CACNA2D4: variants seen among roughly 807,000 people sequenced by gnomAD.
CACNA2D4 encodes the protein voltage-dependent calcium channel subunit alpha-2/delta-4.
Under a neutral mutation model 163.8 loss-of-function variants are expected in CACNA2D4, and 157 were observed. The observed-to-expected ratio is 0.96, with a 90% confidence interval of 0.84 to 1.09. The LOEUF is 1.09. Among genes scored for constraint, CACNA2D4 ranks in the 50% least tolerant of loss-of-function variants. The probability of loss-of-function intolerance (pLI) is 0.00; values close to 1 mark genes in which losing one functional copy is unlikely to be tolerated. For missense variants in CACNA2D4, 1,410 were observed against 1,479.9 expected (o/e 0.95, Z 0.78); for synonymous variants, 598 against 586.9 (o/e 1.02, Z -0.27).
rs528773562 is a variant in CACNA2D4, at chr12:1,881,629, C to T, written c.1485+1238G>A. Among the ~76,000 whole-genome samples the T allele has an allele frequency of 3.3e-5, 5 of 152,296 alleles. No homozygotes were observed. The South Asian group carries it at 1.0e-3, about 32-fold the overall frequency. On this transcript the variant is annotated intron_variant, in intron 13 of 37. Transcript: ENST00000382722. ...ACAGGAAGACAGCTCAAAGAAGATCCCCTCCTGTCCTCCTTCTCCCCACCC... is the reference window on the plus strand; with the variant it reads ...ACAGGAAGACAGCTCAAAGAAGATCTCCTCCTGTCCTCCTTCTCCCCACCC...
Position 1,875,421 on chromosome 12 carries a change from A to G in CACNA2D4, c.1720-84T>C, listed in dbSNP as rs1865863014. The G allele has an allele frequency of 2.3e-6, 2 of 882,958 alleles. No homozygotes were observed. The highest frequency in any genetic ancestry group is 1.4e-5 in the South Asian group (1 of 73,028). 54.7% of individuals were successfully genotyped at this position (882,958 alleles called of 1,614,324 possible). On this transcript the variant is annotated intron_variant, in intron 16 of 37. Transcript: ENST00000382722. The surrounding 1 kb of genome is among the most constrained non-coding windows in gnomAD (Gnocchi z 4.0). ...ATCTCTTCTACAAAGCCTTTCAGGT[A>G]TATTCATAAAAGCAAAGGATTCCTT...
chr12:1,817,447 T>TAGGAA (rs1310296503), intron 26 of CACNA2D4, among the ~76,000 whole-genome samples: 1 of 151,980 alleles, frequency 6.6e-6, no homozygotes, highest in Non-Finnish European at 1.5e-5. Flanking sequence ...CAGCTCTGTG[T>TAGGAA]AGGAAAGGAG....
intron 6 of CACNA2D4, among the ~76,000 whole-genome samples, chr12:1,893,829 A>G (rs376680541): frequency 2.8e-4 from 42 of 152,148 alleles, no homozygotes; most frequent in African/African-American, 9.2e-4. Flanking sequence ...TAACAATCTA[A>G]TAATACACCT....
intron 6 of CACNA2D4, among the ~76,000 whole-genome samples, chr12:1,903,517 G>A (rs12319690): frequency 0.065 from 9,847 of 151,492 alleles, 790 homozygotes; most frequent in East Asian, 0.42. Context: ...CAAATAACTC[G>A]GTGGGAAAAA....
At chr12:1,900,529 T>C (rs756563944) in intron 6 of CACNA2D4, among the ~76,000 whole-genome samples, 5 of 152,230 alleles carry the variant, frequency 3.3e-5, no homozygotes, top group African/African-American at 4.8e-5. Flanking sequence ...GGTGTGAGTA[T>C]TTTGGAAAAC....
rs1462543957 is a variant in CACNA2D4 at position 1,820,747 on chromosome 12, C to T, written c.2552-9024G>A. On this transcript the variant is annotated intron_variant, in intron 26 of 37. Coordinates refer to ENST00000382722, the MANE Select transcript of CACNA2D4 (RefSeq NM_172364.5). The surrounding 1 kb of genome is among the most constrained non-coding windows in gnomAD (Gnocchi z 6.0). ...TGGTGTCTGGATTTCTATAGGAATC[C>T]CAGGAGGGTCTTACTGGAGGGTTGA... The T allele has an allele frequency of 6.6e-6, 1 of 152,290 alleles. No homozygotes were observed. The highest frequency in any genetic ancestry group is 1.5e-5 in the Non-Finnish European group (1 of 68,088). 9.4% of individuals were successfully genotyped at this position (152,290 alleles called of 1,614,324 possible). A position where few individuals can be genotyped will look rare whatever the true frequency, so the allele number is the denominator to read the frequency against.
At chr12:1,797,573 C>T in intron 34 of CACNA2D4, 38 bp from the exon 35 acceptor site, 1 of 1,482,982 alleles carries the variant, frequency 6.7e-7, no homozygotes, top group Non-Finnish European at 9.2e-7. Flanking sequence ...ACCGAAGGGG[C>T]CTCTGGCCTG....
At chr12:1,847,791 C>A (rs1241628416) in intron 23 of CACNA2D4, among the ~76,000 whole-genome samples, 1 of 152,146 alleles carries the variant, frequency 6.6e-6, no homozygotes, top group African/African-American at 2.4e-5. Flanking sequence ...AGCCCCTCAA[C>A]TAGATTATTT....
At chr12:1,879,060 G>T (rs772797677) in intron 14 of CACNA2D4, 24 bp from the exon 15 acceptor site, 7 of 1,600,182 alleles carry the variant, frequency 4.4e-6, no homozygotes, top group Non-Finnish European at 2.6e-6. Flanking sequence ...CACAAGGGGT[G>T]GGGGAGACCC....
At chr12:1,856,540 C>T (rs1330297456) in intron 20 of CACNA2D4, among the ~76,000 whole-genome samples, 4 of 152,366 alleles carry the variant, frequency 2.6e-5, no homozygotes, top group South Asian at 4.1e-4. Context: ...CCCCTCCTCC[C>T]CATCCAGGTT....
intron 6 of CACNA2D4, among the ~76,000 whole-genome samples, chr12:1,902,435 T>C (rs1011801645): frequency 6.6e-6 from 1 of 152,080 alleles, no homozygotes. Flanking sequence ...TATCCTTATT[T>C]GCAGATAATA....
intron 29 of CACNA2D4, among the ~76,000 whole-genome samples, chr12:1,803,615 G>A (rs551024604): frequency 2.0e-5 from 3 of 152,270 alleles, no homozygotes; most frequent in South Asian, 4.1e-4. Flanking sequence ...AAAATGGAGG[G>A]TCAATTACAA....
At chr12:1,810,833 C>A (rs1428366044) in intron 27 of CACNA2D4, among the ~76,000 whole-genome samples, 1 of 152,048 alleles carries the variant, frequency 6.6e-6, no homozygotes, top group African/African-American at 2.4e-5. Context: ...ACGTGGAGGG[C>A]ACATGCGTGT....
intron 26 of CACNA2D4, 89 bp from the exon 27 acceptor site, chr12:1,811,812 C>G: frequency 7.7e-7 from 1 of 1,306,736 alleles, no homozygotes; most frequent in Non-Finnish European, 1.1e-6. Context: ...GGTGCTTCCG[C>G]AGGAACTGAG....
chr12:1,804,121 C>CTGTGTGTGTGTGTG (rs57706301), intron 29 of CACNA2D4, among the ~76,000 whole-genome samples: 12 of 139,076 alleles, frequency 8.6e-5, no homozygotes, highest in African/African-American at 1.1e-4. Flanking sequence ...ATTCTAGTTA[C>CTGTGTGTGTGTGTG]TGTGTGTGTG....
At chr12:1,903,467 CA>C (rs1224888080) in intron 6 of CACNA2D4, among the ~76,000 whole-genome samples, 1 of 151,840 alleles carries the variant, frequency 6.6e-6, no homozygotes. Context: ...AACTCCTATC[CA>C]TCTGAGAAGG....
At chr12:1,888,681 A>G (rs1866209292) in intron 6 of CACNA2D4, among the ~76,000 whole-genome samples, 1 of 152,238 alleles carries the variant, frequency 6.6e-6, no homozygotes, top group Admixed American at 6.5e-5. Flanking sequence ...ATTCATGGGT[A>G]AAAAGAAAAT....
rs1013719271 is a variant in CACNA2D4, at chr12:1,792,733, G to A, written c.*922C>T. 3 of 152,158 alleles carry A rather than the reference G, an allele frequency of 2.0e-5. No individual in the cohort carries two copies. The highest frequency in any genetic ancestry group is 4.8e-5 in the African/African-American group (2 of 41,420). 9.4% of individuals were successfully genotyped at this position (152,158 alleles called of 1,614,324 possible). ...TGGACCCTGCTTAGCAAGTTGGAAT[G>A]TTCCCACAAGTTCCAACCCTAAGGA... On this transcript the variant is annotated 3_prime_UTR_variant, in exon 38 of 38. Coordinates refer to ENST00000382722, the MANE Select transcript of CACNA2D4 (RefSeq NM_172364.5).
chr12:1,858,498 G>A (rs1865449361), intron 20 of CACNA2D4, 79 bp downstream of exon 20: 1 of 1,261,760 alleles, frequency 7.9e-7, no homozygotes, highest in Non-Finnish European at 1.1e-6. Flanking sequence ...GGCTCTGGTT[G>A]GGGTTGGCCC....
Sources: allele counts gnomAD v4.1 joint callset (sites outside exome capture counted in the v4.1 genomes callset), GRCh38; gene constraint gnomAD v4.1.1; non-coding constraint Gnocchi (gnomAD v3.1); transcripts MANE v1.5; gene names NCBI Gene and HGNC (gene_info 2026-07-23, HGNC 2026-07-21).